The following ASAP1 variants were observed in gnomAD, a reference collection of about 807,000 sequenced individuals.
ASAP1 encodes the protein arf-GAP with SH3 domain, ANK repeat and PH domain-containing protein 1.
In ASAP1, 43 loss-of-function variants were observed where a neutral mutation model predicts 145.2. The observed-to-expected ratio is 0.30, with a 90% CI of 0.23 to 0.38. ASAP1 has a LOEUF of 0.38. ASAP1 is among the 10% of genes least tolerant of loss of function. The pLI is 1.00. For missense variants in ASAP1, 1,018 were observed against 1,355.3 expected (o/e 0.75, Z 3.91); for synonymous variants, 546 against 515.5 (o/e 1.06, Z -0.80).
At chr8:130,284,780 C>A (rs1433116856) in intron 3 of ASAP1, among the ~76,000 whole-genome samples, 2 of 151,820 alleles carry the variant, frequency 1.3e-5, no homozygotes, top group Non-Finnish European at 2.9e-5. Flanking sequence ...AATATTCCCT[C>A]CCCCCATAAG....
At chr8:130,232,148 C>G (rs1235525050) in intron 4 of ASAP1, among the ~76,000 whole-genome samples, 2 of 152,186 alleles carry the variant, frequency 1.3e-5, no homozygotes, top group African/African-American at 4.8e-5. Flanking sequence ...TGTCTATGGA[C>G]TGGCCTTGGA....
chr8:130,395,181 CA>C, intron 2 of ASAP1, among the ~76,000 whole-genome samples: 1 of 152,314 alleles, frequency 6.6e-6, no homozygotes, highest in Middle Eastern at 3.4e-3. Context: ...TTCCTGCCCT[CA>C]AGGTGCTCAC....
chr8:130,124,945 G>A (rs930403565), intron 17 of ASAP1, among the ~76,000 whole-genome samples: 3 of 152,126 alleles, frequency 2.0e-5, no homozygotes, highest in African/African-American at 7.2e-5. Flanking sequence ...GTATCAGCAT[G>A]GTAACTTCCT....
chr8:130,104,758 G>A (rs1362586732), intron 24 of ASAP1, among the ~76,000 whole-genome samples: 3 of 152,146 alleles, frequency 2.0e-5, no homozygotes, highest in Non-Finnish European at 4.4e-5. Context: ...AAGTCAGGAG[G>A]ATGTTTTTTC....
chr8:130,276,728 A>ACTCTCTCTCTCTCTCTCTCT (rs10678909), intron 3 of ASAP1, among the ~76,000 whole-genome samples: 3 of 87,272 alleles, frequency 3.4e-5, no homozygotes, highest in African/African-American at 8.8e-5. Context: ...ACACACACAC[A>ACTCTCTCTCTCTCTCTCTCT]CTCTCTCTCT....
intron 4 of ASAP1, among the ~76,000 whole-genome samples, chr8:130,217,717 T>C: frequency 6.6e-6 from 1 of 152,200 alleles, no homozygotes; most frequent in South Asian, 2.1e-4. Flanking sequence ...TTGAATTCCT[T>C]TTCAGGAATT....
intron 23 of ASAP1, among the ~76,000 whole-genome samples, chr8:130,113,091 A>G (rs2097549324): frequency 6.6e-6 from 1 of 152,204 alleles, no homozygotes; most frequent in African/African-American, 2.4e-5. Flanking sequence ...CACTGCAGCC[A>G]GAGCTGGTGG....
chr8:130,345,459 G>C (rs1456020317), intron 3 of ASAP1, among the ~76,000 whole-genome samples: 1 of 152,160 alleles, frequency 6.6e-6, no homozygotes, highest in African/African-American at 2.4e-5. Context: ...TTGTGTCTCT[G>C]TATGTGTGTT....
chr8:130,248,263 C>T (rs568188668), intron 3 of ASAP1, among the ~76,000 whole-genome samples: 26 of 152,168 alleles, frequency 1.7e-4, no homozygotes, highest in African/African-American at 5.8e-4. Context: ...CAGGCAGATA[C>T]GGCTCCTACA....
chr8:130,166,020 TTTTG>T (rs768647842), intron 11 of ASAP1, among the ~76,000 whole-genome samples: 14 of 152,162 alleles, frequency 9.2e-5, no homozygotes, highest in South Asian at 2.1e-4. Context: ...GCTCTTCATT[TTTTG>T]TTTGTTTGTT....
rs1250791936 is a variant in ASAP1 at position 130,358,553 on chromosome 8, T to C, written c.60-410A>G. Among the ~76,000 whole-genome samples the C allele has an allele frequency of 6.9e-6, 1 of 145,802 alleles. No homozygotes were observed. The highest frequency in any genetic ancestry group is 1.5e-5 in the Non-Finnish European group (1 of 65,802). On this transcript the variant is annotated intron_variant, in intron 2 of 29. Transcript: ENST00000518721. The surrounding 1 kb of genome is among the most constrained non-coding windows in gnomAD (Gnocchi z 4.1). The stretch of plus-strand genomic sequence containing the variant: ...GGCGGCTGGGGCGCCCGGCGCTGCC[T>C]CCTCAGACGCGCTGACAGGCGGCGG...
At chr8:130,249,836 T>C (rs1819084121) in intron 3 of ASAP1, among the ~76,000 whole-genome samples, 1 of 152,076 alleles carries the variant, frequency 6.6e-6, no homozygotes, top group South Asian at 2.1e-4. Context: ...GAACCTACCA[T>C]CTAAATTTGA....
chr8:130,227,188 T>C (rs1312596627), intron 4 of ASAP1, among the ~76,000 whole-genome samples: 1 of 152,204 alleles, frequency 6.6e-6, no homozygotes, highest in African/African-American at 2.4e-5. Flanking sequence ...TGGGTTCTTG[T>C]TCTGCTAATG....
chr8:130,213,264 G>A (rs770894379), intron 5 of ASAP1, among the ~76,000 whole-genome samples: 8 of 152,144 alleles, frequency 5.3e-5, no homozygotes, highest in Admixed American at 3.3e-4. Context: ...TTTTCTTTCA[G>A]ATTTGCTTAT....
At chr8:130,230,646 C>T (rs750462967) in intron 4 of ASAP1, among the ~76,000 whole-genome samples, 2 of 152,112 alleles carry the variant, frequency 1.3e-5, no homozygotes, top group African/African-American at 2.4e-5. Flanking sequence ...TTAGATTTTG[C>T]TCAATCCCAG....
At chr8:130,122,092 C>G (rs558809277) in intron 18 of ASAP1, among the ~76,000 whole-genome samples, 1 of 152,152 alleles carries the variant, frequency 6.6e-6, no homozygotes, top group Non-Finnish European at 1.5e-5. Context: ...TGCCTTCATG[C>G]CCCTCAATTC....
chr8:130,349,567 G>A (rs1407810704), intron 3 of ASAP1, among the ~76,000 whole-genome samples: 13 of 152,178 alleles, frequency 8.5e-5, no homozygotes, highest in Non-Finnish European at 1.6e-4. Context: ...CCCAACACAC[G>A]CTAGAAGTAA....
chr8:130,187,216 C>T lies in ASAP1; in HGVS notation c.530+20G>A, dbSNP rs1586549779. On this transcript the variant is annotated intron_variant, in intron 7 of 29. Transcript: ENST00000518721. The stretch of plus-strand genomic sequence containing the variant: ...CAATATTAAAAAACAAACAAAAACT[C>T]TAAACAAAAAACCACTTACAACTTT... 1 of 1,588,178 alleles carries T rather than the reference C, an allele frequency of 6.3e-7. No homozygotes were observed. The highest frequency in any genetic ancestry group is 1.9e-5 in the Admixed American group (1 of 53,406).
intron 11 of ASAP1, among the ~76,000 whole-genome samples, chr8:130,163,411 TG>T (rs2097673708): frequency 6.6e-6 from 1 of 152,216 alleles, no homozygotes; most frequent in Non-Finnish European, 1.5e-5. Context: ...TGAATGTGCT[TG>T]CTTTACATCA....
Sources: allele counts gnomAD v4.1 joint callset (sites outside exome capture counted in the v4.1 genomes callset), GRCh38; gene constraint gnomAD v4.1.1; non-coding constraint Gnocchi (gnomAD v3.1); transcripts MANE v1.5; gene names NCBI Gene and HGNC (gene_info 2026-07-23, HGNC 2026-07-21).